The following KCNQ5 variants were observed in gnomAD, a reference collection of about 807,000 sequenced individuals.
KCNQ5 encodes the protein potassium voltage-gated channel subfamily Q member 5, also known as potassium voltage-gated channel subfamily KQT member 5.
In KCNQ5, 30 loss-of-function variants were observed where a neutral mutation model predicts 98.2. That is an observed-to-expected ratio of 0.31 (90% confidence interval 0.23 to 0.41). KCNQ5 has a LOEUF of 0.41. Ranked by LOEUF, KCNQ5 falls within the 10% of genes least tolerant of loss-of-function variation. KCNQ5 has a pLI of 1.00. For synonymous variants in KCNQ5, 458 were observed against 449.4 expected (o/e 1.02, Z -0.24); for missense variants, 835 against 1,182.5 (o/e 0.71, Z 4.31).
intron 1 of KCNQ5, among the ~76,000 whole-genome samples, chr6:72,735,454 G>A (rs1402798471): frequency 6.6e-6 from 1 of 152,098 alleles, no homozygotes; most frequent in Non-Finnish European, 1.5e-5. Flanking sequence ...TCTCTTAAAA[G>A]AGTTATACTT....
At chr6:72,842,296 G>T (rs933724176) in intron 1 of KCNQ5, among the ~76,000 whole-genome samples, 1 of 152,112 alleles carries the variant, frequency 6.6e-6, no homozygotes, top group Non-Finnish European at 1.5e-5. Context: ...GTCTTTTTAC[G>T]ATAGCTGGCA....
intron 2 of KCNQ5, among the ~76,000 whole-genome samples, chr6:73,027,787 A>G (rs1020042157): frequency 4.6e-5 from 7 of 152,228 alleles, no homozygotes; most frequent in African/African-American, 1.7e-4. Context: ...CAAATTCTGA[A>G]TTAATGGAGT....
At chr6:72,995,699 T>C (rs1291302404) in intron 1 of KCNQ5, among the ~76,000 whole-genome samples, 2 of 152,102 alleles carry the variant, frequency 1.3e-5, no homozygotes, top group Non-Finnish European at 2.9e-5. Context: ...GAGGTTCTTG[T>C]TTAGGGAGTG....
At position 72,901,132 on chromosome 6, in the gene KCNQ5, C is replaced by G. The variant is rs1249053355; in HGVS notation, c.399-102776C>G. ...CTAACGCTGTCCCTCCCCCCTCCCC[C>G]CTCCCCCGACCCCACAACAGGGCCT... On this transcript the variant is annotated intron_variant, in intron 1 of 13. Transcript: ENST00000370398. Among the ~76,000 whole-genome samples, 8 of 132,006 alleles carry G rather than the reference C, an allele frequency of 6.1e-5. No homozygotes were observed. The East Asian group carries it at 1.4e-3, about 22-fold the overall frequency. The allele number at this position is 132,006 out of a possible 152,430, so 86.6% of individuals were successfully genotyped here.
chr6:72,887,949 C>A (rs1299551151), intron 1 of KCNQ5, among the ~76,000 whole-genome samples: 3 of 151,902 alleles, frequency 2.0e-5, no homozygotes, highest in African/African-American at 7.3e-5. Context: ...TTTTAACTAA[C>A]AATATTATGT....
At chr6:72,950,266 C>G (rs1276418986) in intron 1 of KCNQ5, among the ~76,000 whole-genome samples, 1 of 152,170 alleles carries the variant, frequency 6.6e-6, no homozygotes, top group Non-Finnish European at 1.5e-5. Flanking sequence ...TCATGACATG[C>G]CACTAGCAGC....
rs972231241 is a variant in KCNQ5, at chr6:72,718,536, C to T, written c.398+95949C>T. 6.0e-5 allele frequency among the ~76,000 whole-genome samples: 9 copies of T among 149,112 alleles called. No homozygotes were observed. The East Asian group carries it at 9.8e-4, about 16-fold the overall frequency. ...TGTGATCTCCACTTACTGCAACCTCCGCCTCCCAGGTTCAAGTGATTCTCC... is the reference window on the plus strand; with the variant it reads ...TGTGATCTCCACTTACTGCAACCTCTGCCTCCCAGGTTCAAGTGATTCTCC... On this transcript the variant is annotated intron_variant, in intron 1 of 13. Coordinates refer to ENST00000370398, the MANE Select transcript of KCNQ5 (RefSeq NM_019842.4).
chr6:72,734,875 A>T (rs1218639257), intron 1 of KCNQ5, among the ~76,000 whole-genome samples: 1 of 152,192 alleles, frequency 6.6e-6, no homozygotes, highest in Non-Finnish European at 1.5e-5. Context: ...AAGAGACTAG[A>T]TTGCTTGTTA....
At chr6:73,113,614 A>G (rs1331074675) in intron 7 of KCNQ5, among the ~76,000 whole-genome samples, 4 of 152,266 alleles carry the variant, frequency 2.6e-5, no homozygotes, top group Non-Finnish European at 5.9e-5. Flanking sequence ...AACTGCAGGA[A>G]ATCTCCTGAT....
chr6:73,193,367 C>T (rs1765668432), intron 13 of KCNQ5, among the ~76,000 whole-genome samples: 1 of 151,580 alleles, frequency 6.6e-6, no homozygotes, highest in African/African-American at 2.4e-5. Flanking sequence ...GTGGCTCATG[C>T]CTGTAGTCCT....
intron 1 of KCNQ5, among the ~76,000 whole-genome samples, chr6:72,687,360 T>G (rs556066500): frequency 1.3e-5 from 2 of 152,318 alleles, no homozygotes; most frequent in Admixed American, 1.3e-4. Flanking sequence ...GATCATGACC[T>G]ATACTTCTAT....
intron 1 of KCNQ5, among the ~76,000 whole-genome samples, chr6:72,808,529 A>G (rs946837280): frequency 6.6e-6 from 1 of 152,174 alleles, no homozygotes; most frequent in Admixed American, 6.5e-5. Context: ...ACTCATCCTG[A>G]TAATCCACTG....
At chr6:72,775,703 A>C (rs938812253) in intron 1 of KCNQ5, among the ~76,000 whole-genome samples, 1 of 152,192 alleles carries the variant, frequency 6.6e-6, no homozygotes, top group African/African-American at 2.4e-5. Flanking sequence ...TGAGAATGGC[A>C]CTTTACATCT....
At chr6:72,716,804 A>T (rs1391349592) in intron 1 of KCNQ5, among the ~76,000 whole-genome samples, 1 of 152,212 alleles carries the variant, frequency 6.6e-6, no homozygotes, top group East Asian at 1.9e-4. Context: ...TAGAGAACAG[A>T]TTGCAGGGAT....
chr6:72,998,678 A>G (rs993485823), intron 1 of KCNQ5, among the ~76,000 whole-genome samples: 2 of 151,958 alleles, frequency 1.3e-5, no homozygotes. Context: ...AGGAGCTTGC[A>G]GTAGGTCAAG....
intron 1 of KCNQ5, among the ~76,000 whole-genome samples, chr6:72,762,089 C>T (rs1772314381): frequency 6.6e-6 from 1 of 151,986 alleles, no homozygotes. Flanking sequence ...GCCCCACTTG[C>T]AAGAGACATT....
intron 1 of KCNQ5, among the ~76,000 whole-genome samples, chr6:72,741,716 C>A (rs1032331915): frequency 4.6e-5 from 7 of 152,056 alleles, no homozygotes; most frequent in Non-Finnish European, 8.8e-5. Flanking sequence ...ACATAGCTTA[C>A]CCCATTAGCT....
chr6:72,736,570 G>A (rs1470623003), intron 1 of KCNQ5, among the ~76,000 whole-genome samples: 1 of 144,822 alleles, frequency 6.9e-6, no homozygotes, highest in African/African-American at 2.7e-5. Context: ...CGGGATCTCG[G>A]CTCACTGCAA....
intron 1 of KCNQ5, among the ~76,000 whole-genome samples, chr6:72,632,034 C>T (rs1011034723): frequency 6.6e-6 from 1 of 152,048 alleles, no homozygotes; most frequent in African/African-American, 2.4e-5. Flanking sequence ...CAGAACAGGG[C>T]TTTGAACCAA....
Sources: gnomAD v4.1 joint callset for allele counts (sites outside exome capture counted in the v4.1 genomes callset) on GRCh38, gnomAD v4.1.1 for gene constraint, MANE v1.5 for transcripts, NCBI Gene and HGNC (gene_info 2026-07-23, HGNC 2026-07-21) for gene names.